Variants in PRKN observed in about 807,000 individuals in gnomAD.
PRKN encodes parkin RBR E3 ubiquitin protein ligase, also known as E3 ubiquitin-protein ligase parkin.
Under a neutral mutation model 59.5 loss-of-function variants are expected in PRKN, and 56 were observed. That is an observed-to-expected ratio of 0.94 (90% CI 0.76 to 1.18). The LOEUF (loss-of-function observed/expected upper bound fraction) is 1.18. Ranked by LOEUF, PRKN falls within the 50% of genes most tolerant of loss-of-function variation. The pLI is 0.00. For missense variants in PRKN, 657 were observed against 596.4 expected (o/e 1.10, Z -1.06); for synonymous variants, 250 against 222.1 (o/e 1.13, Z -1.12).
chr6:162,183,957 T>A (rs1339141140), intron 4 of PRKN, among the ~76,000 whole-genome samples: 2 of 152,214 alleles, frequency 1.3e-5, no homozygotes, highest in African/African-American at 4.8e-5. Context: ...AATTTTCTGT[T>A]GACAGGAATG....
At chr6:162,170,711 T>C (rs938783773) in intron 4 of PRKN, among the ~76,000 whole-genome samples, 1 of 152,180 alleles carries the variant, frequency 6.6e-6, no homozygotes, top group Non-Finnish European at 1.5e-5. Flanking sequence ...CGATTAATGC[T>C]GGAAACAACG....
At chr6:161,890,836 G>T (rs147273496) in intron 6 of PRKN, among the ~76,000 whole-genome samples, 1 of 152,158 alleles carries the variant, frequency 6.6e-6, no homozygotes, top group African/African-American at 2.4e-5. Context: ...AGCAAACTCT[G>T]TTCCATTTCC....
At chr6:161,926,181 C>T (rs562605653) in intron 6 of PRKN, among the ~76,000 whole-genome samples, 21 of 152,254 alleles carry the variant, frequency 1.4e-4, no homozygotes, top group East Asian at 5.8e-4. Context: ...ACTGCCACTT[C>T]GTTCTTGACC....
At chr6:162,060,494 A>G (rs1212443849) in intron 4 of PRKN, among the ~76,000 whole-genome samples, 3 of 152,228 alleles carry the variant, frequency 2.0e-5, no homozygotes, top group Non-Finnish European at 4.4e-5. Flanking sequence ...GAGGGAAAGC[A>G]TTGATAAAAT....
rs1786594647 is a variant in PRKN, at chr6:161,393,177, C to T, written c.1084-6300G>A. Reference sequence around the variant, plus strand: ...AACACAGTTTCTGGTACACAGTAAACACAACAACACAACAAATAGTTTTCT... The same window carrying T: ...AACACAGTTTCTGGTACACAGTAAATACAACAACACAACAAATAGTTTTCT... On this transcript the variant is annotated intron_variant, in intron 9 of 11. Transcript: ENST00000366898. The surrounding 1 kb of genome is among the most constrained non-coding windows in gnomAD (Gnocchi z 4.7). Among the ~76,000 whole-genome samples the T allele has an allele frequency of 6.6e-6, 1 of 152,054 alleles. No individual in the cohort carries two copies. Among genetic ancestry groups the T allele is most frequent in the Non-Finnish European group, 1.5e-5 (1 of 67,996 alleles).
Position 161,569,272 on chromosome 6 carries a change from C to T in PRKN, c.933+83G>A, listed in dbSNP as rs75008325. 2.3e-3 allele frequency: 2,810 copies of T among 1,221,178 alleles called. 35 individuals are homozygous for T. The African/African-American group carries it at 0.035, about 15-fold the overall frequency. 75.6% of individuals were successfully genotyped at this position (1,221,178 alleles called of 1,614,324 possible). On this transcript the variant is annotated intron_variant, in intron 8 of 11. Coordinates refer to ENST00000366898, the MANE Select transcript of PRKN (RefSeq NM_004562.3). ...GGCACCCAGGGTCAGGAGACATACT[C>T]GGCCTCCCTGGGGAGCCCAAACTGT...
At chr6:161,608,436 G>A (rs185009042) in intron 7 of PRKN, among the ~76,000 whole-genome samples, 73 of 152,166 alleles carry the variant, frequency 4.8e-4, no homozygotes, top group Non-Finnish European at 7.6e-4. Flanking sequence ...CACATGTTGT[G>A]TACAGCATTA....
chr6:162,366,373 TTTA>T (rs1252755597), intron 2 of PRKN, among the ~76,000 whole-genome samples: 6 of 152,220 alleles, frequency 3.9e-5, no homozygotes, highest in Non-Finnish European at 7.3e-5. Flanking sequence ...CCAAATGGGA[TTTA>T]TTATTATATG....
At chr6:161,426,788 G>A (rs573779067) in intron 9 of PRKN, among the ~76,000 whole-genome samples, 23 of 151,276 alleles carry the variant, frequency 1.5e-4, no homozygotes, top group Non-Finnish European at 1.5e-4. Flanking sequence ...GCGCAATCTC[G>A]GCTCACTGCA....
chr6:162,193,536 C>A (rs1249681178), intron 4 of PRKN, among the ~76,000 whole-genome samples: 1 of 152,138 alleles, frequency 6.6e-6, no homozygotes, highest in South Asian at 2.1e-4. Context: ...TCCATGAGAC[C>A]CTCAGCTAAA....
At chr6:161,661,159 AAAGT>A (rs1194133192) in intron 7 of PRKN, among the ~76,000 whole-genome samples, 5 of 152,168 alleles carry the variant, frequency 3.3e-5, no homozygotes, top group Non-Finnish European at 7.3e-5. Context: ...GGTAGCCCCT[AAAGT>A]AAGGTCTGAC....
chr6:161,559,960 G>A (rs1780392232), intron 8 of PRKN, among the ~76,000 whole-genome samples: 1 of 150,482 alleles, frequency 6.6e-6, no homozygotes, highest in Non-Finnish European at 1.5e-5. Context: ...AGGCACACCT[G>A]AGCACAGGTA....
intron 7 of PRKN, among the ~76,000 whole-genome samples, chr6:161,693,731 G>A (rs1209788724): frequency 1.3e-5 from 2 of 152,196 alleles, no homozygotes. Context: ...TACCCCAGAT[G>A]TAAATTTTTG....
chr6:162,238,982 A>G (rs1778868415), intron 3 of PRKN, among the ~76,000 whole-genome samples: 1 of 152,216 alleles, frequency 6.6e-6, no homozygotes, highest in African/African-American at 2.4e-5. Context: ...GATCACTGAC[A>G]TTTCCTTAAT....
chr6:162,099,557 T>A (rs960809856), intron 4 of PRKN, among the ~76,000 whole-genome samples: 3 of 152,188 alleles, frequency 2.0e-5, no homozygotes, highest in Non-Finnish European at 4.4e-5. Context: ...GGATAATACT[T>A]TGTTGAAATG....
chr6:162,296,455 C>T (rs1010217656), intron 2 of PRKN, among the ~76,000 whole-genome samples: 14 of 152,050 alleles, frequency 9.2e-5, no homozygotes, highest in African/African-American at 3.4e-4. Flanking sequence ...GACCCTCTGG[C>T]TGGCTCCTTA....
rs531915127 is a variant in PRKN, at chr6:161,566,787, C to A, written c.933+2568G>T. ...GTTTTGCTCTGTCCTCCTCCCCTCC[C>A]CTCCACCAGTCACACTTGTTTCTGG... On this transcript the variant is annotated intron_variant, in intron 8 of 11. Coordinates refer to ENST00000366898, the MANE Select transcript of PRKN (RefSeq NM_004562.3). The surrounding 1 kb of genome is among the most constrained non-coding windows in gnomAD (Gnocchi z 4.1). Among the ~76,000 whole-genome samples the A allele has an allele frequency of 2.1e-4, 32 of 152,250 alleles. No individual in the cohort carries two copies. Among genetic ancestry groups the A allele is most frequent in the African/African-American group, 7.2e-4 (30 of 41,558 alleles).
At chr6:162,053,621 G>GT (rs1562485453) in intron 5 of PRKN, among the ~76,000 whole-genome samples, 1 of 152,054 alleles carries the variant, frequency 6.6e-6, no homozygotes, top group Non-Finnish European at 1.5e-5. Flanking sequence ...ACTATATTTT[G>GT]TAATAGTCCA....
intron 6 of PRKN, among the ~76,000 whole-genome samples, chr6:161,814,830 T>G (rs1791706391): frequency 6.6e-6 from 1 of 151,990 alleles, no homozygotes; most frequent in Non-Finnish European, 1.5e-5. Context: ...AACTATCAGG[T>G]CTCATGAAAC....
Sources: gnomAD v4.1 joint callset for allele counts (sites outside exome capture counted in the v4.1 genomes callset) on GRCh38, gnomAD v4.1.1 for gene constraint, Gnocchi (gnomAD v3.1) non-coding constraint, MANE v1.5 for transcripts, NCBI Gene and HGNC (gene_info 2026-07-23, HGNC 2026-07-21) for gene names.